CNTN3: variants seen among roughly 807,000 people sequenced by gnomAD.
The protein encoded by CNTN3 is contactin-3.
CNTN3 carries 60 observed loss-of-function variants against 119.1 expected under a neutral mutation model. That is an observed-to-expected ratio of 0.50 (90% CI 0.41 to 0.62). CNTN3 has a LOEUF of 0.62. Among genes scored for constraint, CNTN3 ranks in the 20% least tolerant of loss-of-function variants. The pLI is 0.00. For missense variants in CNTN3, 1,101 were observed against 1,242.4 expected (o/e 0.89, Z 1.71); for synonymous variants, 450 against 438.7 (o/e 1.03, Z -0.32).
At chr3:74,577,103 G>T (rs1704430653) in intron 1 of CNTN3, among the ~76,000 whole-genome samples, 1 of 152,114 alleles carries the variant, frequency 6.6e-6, no homozygotes, top group Non-Finnish European at 1.5e-5. Flanking sequence ...CCCTAGAGAA[G>T]ATACAGTTAC....
intron 1 of CNTN3, among the ~76,000 whole-genome samples, chr3:74,573,758 T>G (rs1322411379): frequency 2.0e-5 from 3 of 149,454 alleles, no homozygotes; most frequent in Non-Finnish European, 4.4e-5. Context: ...CTCACAGTGA[T>G]AGCCGTAATT....
chr3:74,508,208 G>C (rs557419068), intron 2 of CNTN3, among the ~76,000 whole-genome samples: 1 of 152,252 alleles, frequency 6.6e-6, no homozygotes, highest in Non-Finnish European at 1.5e-5. Context: ...TTTTATAAGA[G>C]ACTCTTCTCC....
intron 20 of CNTN3, 102 bp from the exon 21 acceptor site, chr3:74,267,480 G>T: frequency 1.3e-6 from 1 of 771,060 alleles, no homozygotes; most frequent in Non-Finnish European, 2.3e-6. Context: ...GAAGTAGAAC[G>T]GGATGCCTTT....
intron 1 of CNTN3, among the ~76,000 whole-genome samples, chr3:74,548,813 T>C (rs1236684185): frequency 1.3e-5 from 2 of 152,226 alleles, no homozygotes; most frequent in African/African-American, 4.8e-5. Flanking sequence ...CAATATTGGC[T>C]TTTACATTTA....
intron 4 of CNTN3, among the ~76,000 whole-genome samples, chr3:74,433,531 G>A (rs772519629): frequency 2.0e-5 from 3 of 152,112 alleles, no homozygotes; most frequent in Non-Finnish European, 4.4e-5. Flanking sequence ...CTGTTGTTTT[G>A]TTCTGAAACA....
chr3:74,479,015 A>T (rs1476004250), intron 4 of CNTN3, among the ~76,000 whole-genome samples: 1 of 152,132 alleles, frequency 6.6e-6, no homozygotes, highest in Non-Finnish European at 1.5e-5. Flanking sequence ...GTTTAAAGAA[A>T]GGACTAAAGT....
intron 4 of CNTN3, among the ~76,000 whole-genome samples, chr3:74,461,326 T>C (rs1702363453): frequency 6.6e-6 from 1 of 152,066 alleles, no homozygotes; most frequent in African/African-American, 2.4e-5. Flanking sequence ...CATTTATCTA[T>C]TGCAGAAAAT....
chr3:74,339,972 C>T (rs1193558121), intron 11 of CNTN3, among the ~76,000 whole-genome samples: 2 of 152,040 alleles, frequency 1.3e-5, no homozygotes, highest in African/African-American at 4.8e-5. Flanking sequence ...GTTTCTGCAT[C>T]TGCAGATTCT....
At chr3:74,508,046 A>G (rs1703295928) in intron 2 of CNTN3, among the ~76,000 whole-genome samples, 1 of 152,162 alleles carries the variant, frequency 6.6e-6, no homozygotes, top group African/African-American at 2.4e-5. Flanking sequence ...AACAGAAAGG[A>G]TAACTGATAT....
chr3:74,474,742 T>C (rs11710332), intron 4 of CNTN3, among the ~76,000 whole-genome samples: 30,499 of 151,974 alleles, frequency 0.2, 3,178 homozygotes, highest in Admixed American at 0.26. Context: ...CAACGCCAAG[T>C]GTTGGAGGTG....
At chr3:74,374,992 G>A (rs1437094381) in intron 5 of CNTN3, among the ~76,000 whole-genome samples, 1 of 152,110 alleles carries the variant, frequency 6.6e-6, no homozygotes, top group Non-Finnish European at 1.5e-5. Flanking sequence ...TCATAGTATT[G>A]AAAGCCATTT....
chr3:74,612,355 G>C (rs1164203449), intron 1 of CNTN3, among the ~76,000 whole-genome samples: 1 of 152,184 alleles, frequency 6.6e-6, no homozygotes, highest in African/African-American at 2.4e-5. Context: ...CTACTTGAAA[G>C]TGCTCAGCAC....
intron 18 of CNTN3, among the ~76,000 whole-genome samples, chr3:74,295,439 G>C (rs529028492): frequency 6.6e-6 from 1 of 152,256 alleles, no homozygotes; most frequent in Admixed American, 6.5e-5. Flanking sequence ...GCTTTTCTTT[G>C]CTAAACAGCT....
In CNTN3 at chr3:74,608,356, T is replaced by C. The variant is rs77490093; in HGVS notation, c.-81+6035A>G. On this transcript the variant is annotated intron_variant, in intron 1 of 22. Coordinates refer to ENST00000263665, the MANE Select transcript of CNTN3 (RefSeq NM_020872.3). ...TCCCCCATTTATAAGTAATTATTTA[T>C]GGTTTAGGAAGATGTGCTTTTGATT... 6.7e-4 allele frequency among the ~76,000 whole-genome samples: 102 copies of C among 152,340 alleles called. No homozygotes were observed. In the East Asian group the frequency reaches 0.016, roughly 25 times the overall value.
intron 4 of CNTN3, among the ~76,000 whole-genome samples, chr3:74,478,469 T>C (rs1214469244): frequency 1.3e-5 from 2 of 152,158 alleles, no homozygotes; most frequent in Non-Finnish European, 2.9e-5. Flanking sequence ...ATTAAATGCA[T>C]GTATGCACAC....
intron 1 of CNTN3, among the ~76,000 whole-genome samples, chr3:74,597,367 C>T (rs1704830925): frequency 6.6e-6 from 1 of 151,952 alleles, no homozygotes. Flanking sequence ...TCTAGAACTA[C>T]ATGTTATCAG....
chr3:74,374,108 G>A (rs991176843), intron 5 of CNTN3, among the ~76,000 whole-genome samples: 2 of 151,986 alleles, frequency 1.3e-5, no homozygotes, highest in South Asian at 2.1e-4. Flanking sequence ...TTTCTCTAAC[G>A]GGCAATTTTG....
rs1408853217 is a variant in CNTN3 at position 74,535,630 on chromosome 3, C to A, written c.-80-14438G>T. Among the ~76,000 whole-genome samples, 4 of 152,134 alleles carry A rather than the reference C, an allele frequency of 2.6e-5. No homozygotes were observed. In the South Asian group the frequency reaches 8.3e-4, roughly 32 times the overall value. ...AACTCAGCCTTGAGGGCTGTCAATG[C>A]GATACAATGCGAGCCTGGGGCTGCC... On this transcript the variant is annotated intron_variant, in intron 1 of 22. Transcript: ENST00000263665.
intron 4 of CNTN3, among the ~76,000 whole-genome samples, chr3:74,428,976 T>C (rs1194443129): frequency 3.3e-5 from 5 of 152,180 alleles, no homozygotes; most frequent in Non-Finnish European, 7.3e-5. Context: ...CTAGCAGCAA[T>C]AGGCTATACT....
Sources: gnomAD v4.1 joint callset for allele counts (sites outside exome capture counted in the v4.1 genomes callset) on GRCh38, gnomAD v4.1.1 for gene constraint, MANE v1.5 for transcripts, NCBI Gene and HGNC (gene_info 2026-07-23, HGNC 2026-07-21) for gene names.